Variants in SRCAP observed in about 807,000 individuals in gnomAD.
SRCAP encodes chromatin remodeling protein SRCAP.
SRCAP carries 46 observed loss-of-function variants against 263.1 expected under a neutral mutation model. The observed-to-expected ratio is 0.17, with a 90% CI of 0.14 to 0.22. The LOEUF (loss-of-function observed/expected upper bound fraction) is 0.22, where lower values mean the gene tolerates loss of function less well. Among genes scored for constraint, SRCAP ranks in the 10% least tolerant of loss-of-function variants. The pLI, the probability that SRCAP is intolerant of heterozygous loss-of-function variation, is 1.00. For missense variants in SRCAP, 3,695 were observed against 4,181.9 expected (o/e 0.88, Z 3.21); for synonymous variants, 1,813 against 1,662.1 (o/e 1.09, Z -2.21).
chr16:30,711,532 C>T, intron 10 of SRCAP, 39 bp from the exon 11 acceptor site: 3 of 1,541,810 alleles, frequency 1.9e-6, no homozygotes, highest in Middle Eastern at 2.2e-4. Flanking sequence ...CCTTCTCCCT[C>T]CCCTCAGAGC....
chr16:30,701,083 C>T (rs1196375196), intron 3 of SRCAP, among the ~76,000 whole-genome samples: 2 of 152,064 alleles, frequency 1.3e-5, no homozygotes, highest in African/African-American at 4.8e-5. Flanking sequence ...TGTAAAAGCG[C>T]CTCGTTACCT....
At position 30,729,192 on chromosome 16, in the gene SRCAP, C is replaced by T; in HGVS notation, c.5885C>T (p.Pro1962Leu). The change falls in exon 26 of 34, where the codon CCC becomes CTC. Residue 1962 changes from proline to leucine, a missense_variant. By Grantham distance (98) the Pro-to-Leu change is moderately conservative. Transcript: ENST00000262518. ...TEAAHRAVLF[P>L]QQRLDQLSEI... ...GCTGCCCACCGGGCTGTACTGTTTCCCCAGCAGCGACTAGACCAGCTGTCA... is the reference window on the plus strand; with the variant it reads ...GCTGCCCACCGGGCTGTACTGTTTCTCCAGCAGCGACTAGACCAGCTGTCA... The T allele has an allele frequency of 6.2e-7, 1 of 1,612,346 alleles. No individual in the cohort carries two copies. The highest frequency in any genetic ancestry group is 8.5e-7 in the Non-Finnish European group (1 of 1,178,658).
Position 30,700,821 on chromosome 16 carries a change from GACC to G in SRCAP, c.-2_1del. The G allele has an allele frequency of 6.2e-7, 1 of 1,614,036 alleles. No individual in the cohort carries two copies. The highest frequency in any genetic ancestry group is 8.5e-7 in the Non-Finnish European group (1 of 1,179,932). ...CATCCAAGGGGGAGCCTGGGAGTGG[GACC>G]ATGCAGAGCAGCCCCTCCCCTGCTC... On this transcript the variant is annotated 5_prime_UTR_variant, in exon 3 of 34. Transcript: ENST00000262518.
At chr16:30,715,656 A>G (rs994814155) in intron 16 of SRCAP, among the ~76,000 whole-genome samples, 1 of 151,206 alleles carries the variant, frequency 6.6e-6, no homozygotes, top group Non-Finnish European at 1.5e-5. Flanking sequence ...GTGTCACTGT[A>G]GACATTGATG....
chr16:30,733,534 A>C lies in SRCAP; in HGVS notation c.6298-68A>C. On this transcript the variant is annotated intron_variant, in intron 28 of 33. Coordinates refer to ENST00000262518, the MANE Select transcript of SRCAP (RefSeq NM_006662.3). The surrounding 1 kb of genome is among the most constrained non-coding windows in gnomAD (Gnocchi z 5.3). ...GATTTGGGCTTCCAGACGGGGTGCC[A>C]CTAAGCCTTTAGACCTGTTTTGGGG... 6.2e-7 allele frequency: 1 copy of C among 1,604,900 alleles called. No individual in the cohort carries two copies. Among genetic ancestry groups the C allele is most frequent in the East Asian group, 2.2e-5 (1 of 44,770 alleles).
Position 30,737,160 on chromosome 16 carries a change from A to G in SRCAP, c.7120A>G (p.Thr2374Ala), listed in dbSNP as rs779619784. Reference protein sequence around the residue: ...PGAGDESSCGTGGGTHRRSKK... With the variant: ...PGAGDESSCGAGGGTHRRSKK... ...GGCTGGGGATGAGAGTTCCTGTGGG[A>G]CTGGTGGAGGCACCCACCGGCGCAG... The change falls in exon 34 of 34, where the codon ACT becomes GCT. Residue 2374 changes from threonine to alanine, a missense_variant. Physicochemically the swap from Thr to Ala is moderately conservative, Grantham distance 58. Coordinates refer to ENST00000262518, the MANE Select transcript of SRCAP (RefSeq NM_006662.3). 4 of 1,613,576 alleles carry G rather than the reference A, an allele frequency of 2.5e-6. No homozygotes were observed. The highest frequency in any genetic ancestry group is 3.4e-6 in the Non-Finnish European group (4 of 1,179,920).
chr16:30,733,831 G>A lies in SRCAP; in HGVS notation c.6494+33G>A, dbSNP rs780504224. On this transcript the variant is annotated intron_variant, in intron 29 of 33. Coordinates refer to ENST00000262518, the MANE Select transcript of SRCAP (RefSeq NM_006662.3). The surrounding 1 kb of genome is among the most constrained non-coding windows in gnomAD (Gnocchi z 5.3). Reference sequence around the variant, plus strand: ...CTAGTCTTCCCTCACCTTACTTTCCGTTTACTGATGGGGTTTCCTGGATAT... The same window carrying A: ...CTAGTCTTCCCTCACCTTACTTTCCATTTACTGATGGGGTTTCCTGGATAT... 30 of 1,611,242 alleles carry A rather than the reference G, an allele frequency of 1.9e-5. No homozygotes were observed. The highest frequency in any genetic ancestry group is 2.2e-5 in the Non-Finnish European group (26 of 1,178,176).
Position 30,737,375 on chromosome 16 carries a change from C to T in SRCAP, c.7335C>T (p.Pro2445=), listed in dbSNP as rs1313587174. The change falls in exon 34 of 34, where the codon CCC becomes CCT. Residue 2445 remains proline (P), a synonymous_variant. Transcript: ENST00000262518. ...RVPRPAPRPR[P]TPASAPAAIP... ...CCAGGCCAGCACCTAGGCCTCGACC[C>T]ACTCCAGCTTCAGCTCCGGCTGCAA... 1.9e-6 allele frequency: 3 copies of T among 1,613,452 alleles called. No individual in the cohort carries two copies. Among genetic ancestry groups the T allele is most frequent in the Non-Finnish European group, 2.5e-6 (3 of 1,179,844 alleles).
At chr16:30,729,344 A>T (rs766194763) in intron 26 of SRCAP, 26 bp from the exon 27 acceptor site, 1 of 1,613,316 alleles carries the variant, frequency 6.2e-7, no homozygotes, top group South Asian at 1.1e-5. Flanking sequence ...CCCATCTTTT[A>T]CACTGCCTGC....
rs1398724828 is a variant in SRCAP, at chr16:30,700,793, A to T, written c.-32A>T. ...GGTGATAACAACCCAGTCATTCTTC[A>T]GGCATCCAAGGGGGAGCCTGGGAGT... is the stretch of plus-strand genomic sequence containing the variant. On this transcript the variant is annotated 5_prime_UTR_variant, in exon 3 of 34. Transcript: ENST00000262518. The T allele has an allele frequency of 4.4e-6, 7 of 1,608,614 alleles. No homozygotes were observed. In the African/African-American group the frequency reaches 5.3e-5, roughly 12 times the overall value.
At chr16:30,734,726 C>A in intron 31 of SRCAP, 111 bp downstream of exon 31, 1 of 1,495,708 alleles carries the variant, frequency 6.7e-7, no homozygotes. Flanking sequence ...TTCTGCTTCC[C>A]AGATTACAGT....
rs1395071769 is a variant in SRCAP, at chr16:30,733,067, T to A, written c.6128-213T>A. ...GCCAGGCTGGTCTTGAACTCCCGAC[T>A]TAAAGTGATCCACCTGCCTCAGCTT... On this transcript the variant is annotated intron_variant, in intron 27 of 33. Coordinates refer to ENST00000262518, the MANE Select transcript of SRCAP (RefSeq NM_006662.3). This position sits in a 1 kb window ranked among gnomAD's most constrained non-coding sequence, Gnocchi z 5.3. Among the ~76,000 whole-genome samples, 1 of 152,162 alleles carries A rather than the reference T, an allele frequency of 6.6e-6. No individual in the cohort carries two copies. The highest frequency in any genetic ancestry group is 1.5e-5 in the Non-Finnish European group (1 of 68,032).
At position 30,736,268 on chromosome 16, in the gene SRCAP, T is replaced by C. The variant is rs1363629960; in HGVS notation, c.6798T>C (p.Ala2266=). 1.2e-6 allele frequency: 2 copies of C among 1,614,042 alleles called. No homozygotes were observed. The highest frequency in any genetic ancestry group is 1.7e-6 in the Non-Finnish European group (2 of 1,180,054). ...CCCAGGCCAAGGCTGAACAGGTGGC[T>C]GAGCTTGCAGAATTTAATGAGAACG... ...AATQAKAEQV[A]ELAEFNENDG... The change falls in exon 32 of 34, where the codon GCT becomes GCC. Residue 2266 remains alanine, a synonymous_variant. Coordinates refer to ENST00000262518, the MANE Select transcript of SRCAP (RefSeq NM_006662.3).
chr16:30,726,492 G>T (rs889195871), intron 25 of SRCAP, among the ~76,000 whole-genome samples: 11 of 151,722 alleles, frequency 7.3e-5, no homozygotes, highest in Admixed American at 7.2e-4. Context: ...AGTCTGTGAG[G>T]ATTCCAGTTT....
At chr16:30,734,638 G>A (rs1402782302) in intron 31 of SRCAP, 23 bp downstream of exon 31, 14 of 1,613,612 alleles carry the variant, frequency 8.7e-6, no homozygotes, top group African/African-American at 5.3e-5. Flanking sequence ...TGGGCAGTTC[G>A]TAAAGTTGAG....
rs146989997 is a variant in SRCAP, at chr16:30,734,385, C to G, written c.6610-111C>G. On this transcript the variant is annotated intron_variant, in intron 30 of 33. Coordinates refer to ENST00000262518, the MANE Select transcript of SRCAP (RefSeq NM_006662.3). ...GACTGCTTTGGCCTTCACAGACGTG[C>G]GTCTTCAACCAGTGGTACCCCTGAC... The G allele has an allele frequency of 7.2e-4, 1,058 of 1,478,632 alleles. 4 individuals carry two copies. The Middle Eastern group carries it at 9.1e-3, about 13-fold the overall frequency. 91.6% of individuals were successfully genotyped at this position (1,478,632 alleles called of 1,614,324 possible).
chr16:30,713,128 T>C, intron 14 of SRCAP, 80 bp from the exon 15 acceptor site: 1 of 1,444,458 alleles, frequency 6.9e-7, no homozygotes, highest in South Asian at 1.2e-5. Context: ...ATTACTGTCC[T>C]TTGAGGAGTT....
At chr16:30,731,012 T>C (rs1242016651) in intron 27 of SRCAP, among the ~76,000 whole-genome samples, 1 of 152,166 alleles carries the variant, frequency 6.6e-6, no homozygotes, top group Non-Finnish European at 1.5e-5. Context: ...GTACCATCTT[T>C]AGCTTTTTAT....
chr16:30,722,098 C>G (rs768017901), intron 21 of SRCAP, 24 bp from the exon 22 acceptor site: 4 of 1,606,304 alleles, frequency 2.5e-6, no homozygotes. Context: ...GCCTTGTGTA[C>G]AATAAGGCCT....
Sources: allele counts gnomAD v4.1 joint callset (sites outside exome capture counted in the v4.1 genomes callset), GRCh38; gene constraint gnomAD v4.1.1; non-coding constraint Gnocchi (gnomAD v3.1); transcripts MANE v1.5; gene names NCBI Gene and HGNC (gene_info 2026-07-23, HGNC 2026-07-21).